The following SCMH1 variants were observed in gnomAD, a reference collection of about 807,000 sequenced individuals.
SCMH1 encodes polycomb protein SCMH1.
SCMH1 carries 37 observed loss-of-function variants against 70.8 expected under a neutral mutation model. That is an observed-to-expected ratio of 0.52 (90% CI 0.40 to 0.69). SCMH1 has a LOEUF of 0.69. SCMH1 is among the 30% of genes least tolerant of loss of function. The pLI is 0.00. For synonymous variants in SCMH1, 292 were observed against 307.4 expected (o/e 0.95, Z 0.52); for missense variants, 607 against 827.3 (o/e 0.73, Z 3.27).
intron 2 of SCMH1, among the ~76,000 whole-genome samples, chr1:41,182,499 T>C (rs61781838): frequency 0.033 from 5,083 of 152,270 alleles, 144 homozygotes; most frequent in Non-Finnish European, 0.052. Context: ...GGAAGATTCA[T>C]TGAGCCCAGG....
chr1:41,057,261 TTTTG>T (rs764894233), intron 10 of SCMH1, among the ~76,000 whole-genome samples: 40 of 152,252 alleles, frequency 2.6e-4, no homozygotes, highest in African/African-American at 5.8e-4. Flanking sequence ...GTTGTTGTTT[TTTTG>T]TTTGTTTGTT....
At chr1:41,186,005 G>T in intron 2 of SCMH1, 116 bp downstream of exon 2, 3 of 1,092,212 alleles carry the variant, frequency 2.7e-6, no homozygotes, top group Non-Finnish European at 2.6e-6. Context: ...TGACATCATG[G>T]CTATAAAGAA....
intron 2 of SCMH1, among the ~76,000 whole-genome samples, chr1:41,167,766 G>A (rs80071771): frequency 0.01 from 1,531 of 152,140 alleles, 34 homozygotes; most frequent in African/African-American, 0.034. Context: ...GCTGATTAAC[G>A]TTCTCTTCCG....
At chr1:41,143,193 G>T in intron 5 of SCMH1, 81 bp from the exon 6 acceptor site, 1 of 1,031,374 alleles carries the variant, frequency 9.7e-7, no homozygotes, top group Non-Finnish European at 1.5e-6. Context: ...ATTGGTTATA[G>T]CTGGGCCAGG....
At chr1:41,120,262 G>A (rs12138245) in intron 6 of SCMH1, among the ~76,000 whole-genome samples, 11,883 of 152,112 alleles carry the variant, frequency 0.078, 600 homozygotes, top group South Asian at 0.13. Flanking sequence ...AATCCTCTCA[G>A]CTTTGGAAAT....
At chr1:41,237,982 T>C (rs1423090873) in intron 1 of SCMH1, among the ~76,000 whole-genome samples, 2 of 152,240 alleles carry the variant, frequency 1.3e-5, no homozygotes, top group Admixed American at 6.5e-5. Context: ...CTTGTGATTT[T>C]ATGTGGTATG....
intron 1 of SCMH1, among the ~76,000 whole-genome samples, chr1:41,221,586 C>CAAAAAA (rs34767728): frequency 7.2e-6 from 1 of 138,428 alleles, no homozygotes; most frequent in Non-Finnish European, 1.6e-5. Context: ...ACGCTCATAG[C>CAAAAAA]AAAAAAAAAA....
rs116263867 is a variant in SCMH1 at position 41,113,192 on chromosome 1, G to A, written c.745+91C>T. 0.044 allele frequency: 65,332 copies of A among 1,487,774 alleles called. 1,661 individuals carry two copies. Among genetic ancestry groups the A allele is most frequent in the Non-Finnish European group, 0.051 (56,526 of 1,105,476 alleles). The allele number at this position is 1,487,774 out of a possible 1,614,324, so 92.2% of individuals were successfully genotyped here. ...TGCTCCTCCCCTGCATACTAGTGAA[G>A]TATACTGGTGAAGATATGATCATGA... is the stretch of plus-strand genomic sequence containing the variant. On this transcript the variant is annotated intron_variant, in intron 8 of 14. Coordinates refer to ENST00000337495, the Ensembl canonical transcript of SCMH1. The surrounding 1 kb of genome is among the most constrained non-coding windows in gnomAD (Gnocchi z 4.3).
intron 8 of SCMH1, among the ~76,000 whole-genome samples, chr1:41,078,852 G>A (rs144302245): frequency 3.9e-5 from 6 of 152,302 alleles, no homozygotes; most frequent in East Asian, 3.9e-4. Flanking sequence ...TGAAGAACAC[G>A]AGAAAGGGTA....
chr1:41,056,086 T>C (rs1650179202), intron 10 of SCMH1, among the ~76,000 whole-genome samples: 1 of 152,264 alleles, frequency 6.6e-6, no homozygotes, highest in South Asian at 2.1e-4. Context: ...GCTCTGTGAC[T>C]GATTGATCAA....
chr1:41,149,144 T>C (rs1288103392), intron 5 of SCMH1, among the ~76,000 whole-genome samples: 1 of 152,176 alleles, frequency 6.6e-6, no homozygotes. Context: ...ATATTTTTTC[T>C]ATCCCCCATC....
chr1:41,050,680 G>A (rs992573324), intron 10 of SCMH1, among the ~76,000 whole-genome samples: 5 of 152,182 alleles, frequency 3.3e-5, no homozygotes, highest in Admixed American at 3.3e-4. Context: ...TAAGAGAGGA[G>A]ATGACAATAA....
At position 41,133,956 on chromosome 1, in the gene SCMH1, C is replaced by A. The variant is rs564397539; in HGVS notation, c.412+8922G>T. On this transcript the variant is annotated intron_variant, in intron 6 of 14. Coordinates refer to ENST00000337495, the Ensembl canonical transcript of SCMH1. ...TATGAGGCCAGCATCACCCTTATACCAAAGCGTAGCAGAGACACAACAAAA... is the reference window on the plus strand; with the variant it reads ...TATGAGGCCAGCATCACCCTTATACAAAAGCGTAGCAGAGACACAACAAAA... 2.0e-5 allele frequency among the ~76,000 whole-genome samples: 3 copies of A among 152,234 alleles called. No homozygotes were observed. The East Asian group carries it at 5.8e-4, about 29-fold the overall frequency.
intron 2 of SCMH1, among the ~76,000 whole-genome samples, chr1:41,175,159 T>C (rs184509878): frequency 1.2e-4 from 18 of 152,346 alleles, no homozygotes; most frequent in South Asian, 1.0e-3. Flanking sequence ...TTTGAATCAG[T>C]AGACTGAGTA....
At chr1:41,135,138 ATG>A in intron 6 of SCMH1, among the ~76,000 whole-genome samples, 1 of 152,266 alleles carries the variant, frequency 6.6e-6, no homozygotes, top group South Asian at 2.1e-4. Context: ...ATACATCTGC[ATG>A]TGTGTGTGGG....
At chr1:41,076,902 G>A (rs776231975) in intron 8 of SCMH1, among the ~76,000 whole-genome samples, 6 of 152,144 alleles carry the variant, frequency 3.9e-5, no homozygotes, top group Non-Finnish European at 7.3e-5. Context: ...ATAAAGGGAA[G>A]CCACTAGAGG....
intron 4 of SCMH1, among the ~76,000 whole-genome samples, chr1:41,159,086 GTAGAT>G (rs942812292): frequency 2.0e-5 from 3 of 152,118 alleles, no homozygotes; most frequent in African/African-American, 7.2e-5. Context: ...CTGGGCAAGG[GTAGAT>G]TATTTTATGG....
chr1:41,161,515 T>C, intron 2 of SCMH1, 83 bp from the exon 3 acceptor site: 1 of 1,404,734 alleles, frequency 7.1e-7, no homozygotes, highest in Non-Finnish European at 9.4e-7. Context: ...GTATTAACAG[T>C]TTTTAATAAA....
chr1:41,168,839 C>A (rs1312525579), intron 2 of SCMH1, among the ~76,000 whole-genome samples: 2 of 151,836 alleles, frequency 1.3e-5, no homozygotes, highest in Non-Finnish European at 2.9e-5. Context: ...TTTTGATGGT[C>A]CCCTCGAGCT....
Sources: allele counts gnomAD v4.1 joint callset (sites outside exome capture counted in the v4.1 genomes callset), GRCh38; gene constraint gnomAD v4.1.1; non-coding constraint Gnocchi (gnomAD v3.1); transcripts MANE v1.5; gene names NCBI Gene and HGNC (gene_info 2026-07-23, HGNC 2026-07-21).